Variants in PLAC8 observed in about 807,000 individuals in gnomAD.
PLAC8 encodes the protein placenta-specific gene 8 protein.
In PLAC8, 6 loss-of-function variants were observed where a neutral mutation model predicts 12.6. The observed-to-expected ratio is 0.48, with a 90% CI of 0.26 to 0.94. PLAC8 has a LOEUF of 0.94. Among genes scored for constraint, PLAC8 ranks in the 40% least tolerant of loss-of-function variants. The pLI is 0.14. For missense variants in PLAC8, 122 were observed against 152.7 expected (o/e 0.80, Z 1.06); for synonymous variants, 54 against 52.6 (o/e 1.03, Z -0.11).
intron 3 of PLAC8, among the ~76,000 whole-genome samples, chr4:83,096,265 A>C (rs938880028): frequency 6.6e-6 from 1 of 152,218 alleles, no homozygotes; most frequent in Non-Finnish European, 1.5e-5. Flanking sequence ...TCACTGTCTC[A>C]GTCATAATTT....
chr4:83,098,277 T>G (rs1005555901), intron 3 of PLAC8, among the ~76,000 whole-genome samples: 2 of 152,192 alleles, frequency 1.3e-5, no homozygotes, highest in African/African-American at 4.8e-5. Context: ...TATAAACAAG[T>G]TGGCCAAGAG....
At chr4:83,112,218 G>GTA (rs1211747154) in intron 1 of PLAC8, among the ~76,000 whole-genome samples, 1,667 of 9,168 alleles carry the variant, frequency 0.18, 19 homozygotes, top group Middle Eastern at 0.5. Context: ...ATATATATAT[G>GTA]TATATATATA....
intron 3 of PLAC8, among the ~76,000 whole-genome samples, chr4:83,100,066 C>T (rs1015369919): frequency 6.7e-6 from 1 of 149,420 alleles, no homozygotes; most frequent in African/African-American, 2.5e-5. Flanking sequence ...GTCAGGAGAT[C>T]GAGACCATCT....
chr4:83,096,083 G>C (rs1731918726), intron 3 of PLAC8, among the ~76,000 whole-genome samples: 1 of 152,174 alleles, frequency 6.6e-6, no homozygotes, highest in Non-Finnish European at 1.5e-5. Context: ...GTCCTCCAAA[G>C]GCAATCTATT....
intron 3 of PLAC8, among the ~76,000 whole-genome samples, chr4:83,098,669 A>G (rs1213781894): frequency 1.3e-5 from 2 of 152,182 alleles, no homozygotes; most frequent in Non-Finnish European, 2.9e-5. Context: ...AGACAGATTC[A>G]GCTGGCTTCA....
chr4:83,092,799 T>G (rs1338232100), intron 4 of PLAC8: 1 of 150,090 alleles, frequency 6.7e-6, no homozygotes, highest in Non-Finnish European at 1.5e-5. Context: ...ATTTCTTTTC[T>G]TTTTCTTTTC....
chr4:83,107,704 G>C (rs11943790), intron 2 of PLAC8, 100 bp downstream of exon 2: 2 of 293,134 alleles, frequency 6.8e-6, no homozygotes, highest in Non-Finnish European at 1.2e-5. Context: ...TAATAAGTTA[G>C]AAACTTTTTC....
Position 83,090,982 on chromosome 4 carries a change from C to T in PLAC8, c.*10-11G>A, listed in dbSNP as rs1194598452. 3.4e-5 allele frequency: 5 copies of T among 148,290 alleles called. No homozygotes were observed. Among genetic ancestry groups the T allele is most frequent in the Non-Finnish European group, 7.4e-5 (5 of 67,826 alleles). 9.2% of individuals were successfully genotyped at this position (148,290 alleles called of 1,614,324 possible). A position where few individuals can be genotyped will look rare whatever the true frequency, so the allele number is the denominator to read the frequency against. Reference sequence around the variant, plus strand: ...GTAAGAGCTTTTCACCTATAAAGGACACACAAGAGTTTTGAATTTTCTTAA... The same window carrying T: ...GTAAGAGCTTTTCACCTATAAAGGATACACAAGAGTTTTGAATTTTCTTAA... On this transcript the variant is annotated splice_polypyrimidine_tract_variant and intron_variant, in intron 4 of 4. Transcript: ENST00000311507.
At chr4:83,109,701 CG>C (rs1035084945) in intron 1 of PLAC8, 1 of 101,644 alleles carries the variant, frequency 9.8e-6, no homozygotes, top group African/African-American at 3.7e-5. Context: ...CTTCAGGAGG[CG>C]GGGAGTGGGT....
intron 2 of PLAC8, 31 bp downstream of exon 2, chr4:83,107,773 A>AAAT (rs1318043042): frequency 7.3e-6 from 10 of 1,371,594 alleles, no homozygotes; most frequent in Admixed American, 1.8e-5. Flanking sequence ...CCTCGGTATC[A>AAAT]AATAAGGGGG....
chr4:83,095,596 C>G (rs1371753336), intron 3 of PLAC8, among the ~76,000 whole-genome samples: 8 of 152,208 alleles, frequency 5.3e-5, no homozygotes, highest in African/African-American at 1.9e-4. Context: ...GGAGAGGGCA[C>G]ATGTGTGTAG....
chr4:83,091,739 T>C (rs1218721841), intron 4 of PLAC8, among the ~76,000 whole-genome samples: 1 of 152,000 alleles, frequency 6.6e-6, no homozygotes, highest in Non-Finnish European at 1.5e-5. Context: ...ATATTTGGAG[T>C]TCCATATGGG....
intron 3 of PLAC8, among the ~76,000 whole-genome samples, chr4:83,096,822 C>A (rs1230494894): frequency 1.3e-5 from 2 of 152,182 alleles, no homozygotes; most frequent in African/African-American, 4.8e-5. Context: ...AGAGCTAAAT[C>A]TTGTGACCAT....
chr4:83,101,598 A>G (rs1354999388), intron 3 of PLAC8, among the ~76,000 whole-genome samples: 1 of 152,250 alleles, frequency 6.6e-6, no homozygotes, highest in Non-Finnish European at 1.5e-5. Context: ...CAGATTTTCA[A>G]TGAAAATGAA....
intron 3 of PLAC8, among the ~76,000 whole-genome samples, chr4:83,102,566 A>T (rs541644485): frequency 6.6e-6 from 1 of 152,096 alleles, no homozygotes; most frequent in South Asian, 2.1e-4. Flanking sequence ...AACATTCATG[A>T]TTCCTGGGGG....
In PLAC8 at chr4:83,107,952, T is replaced by C. The variant is rs750610588; in HGVS notation, c.-29-2A>G. 1.1e-6 allele frequency: 1 copy of C among 933,402 alleles called. No homozygotes were observed. The highest frequency in any genetic ancestry group is 6.2e-5 in the East Asian group (1 of 16,032). 57.8% of individuals were successfully genotyped at this position (933,402 alleles called of 1,614,324 possible). A position where few individuals can be genotyped will look rare whatever the true frequency, so the allele number is the denominator to read the frequency against. On this transcript the variant is annotated splice_acceptor_variant, in intron 1 of 4. Coordinates refer to ENST00000311507, the MANE Select transcript of PLAC8 (RefSeq NM_016619.3). LOFTEE classifies it low-confidence loss of function (5UTR_SPLICE). Reference sequence around the variant, plus strand: ...GTGCAGGGCCTTAAAAGCAGTGGACTGAAAAGGCAGAGTGGTGTTAGAAAT... The same window carrying C: ...GTGCAGGGCCTTAAAAGCAGTGGACCGAAAAGGCAGAGTGGTGTTAGAAAT...
At chr4:83,104,134 A>G (rs1732180228) in intron 3 of PLAC8, among the ~76,000 whole-genome samples, 1 of 152,246 alleles carries the variant, frequency 6.6e-6, no homozygotes, top group African/African-American at 2.4e-5. Flanking sequence ...TTAGCCATAA[A>G]GTATTTTAAA....
At chr4:83,097,860 GT>G (rs70946968) in intron 3 of PLAC8, among the ~76,000 whole-genome samples, 1,999 of 131,076 alleles carry the variant, frequency 0.015, 40 homozygotes, top group African/African-American at 0.05. Flanking sequence ...AGTTTTGAGG[GT>G]TTTTTTTTTT....
intron 3 of PLAC8, among the ~76,000 whole-genome samples, chr4:83,096,401 A>G (rs1359251019): frequency 4.0e-5 from 1 of 25,270 alleles, no homozygotes; most frequent in Non-Finnish European, 8.8e-5. Flanking sequence ...TCATTTTGTG[A>G]ATTACAAAAA....
Sources: allele counts gnomAD v4.1 joint callset (sites outside exome capture counted in the v4.1 genomes callset), GRCh38; gene constraint gnomAD v4.1.1; transcripts MANE v1.5; gene names NCBI Gene and HGNC (gene_info 2026-07-23, HGNC 2026-07-21).